Variants in BMPR1A observed in about 807,000 individuals in gnomAD.
BMPR1A encodes the protein bone morphogenetic protein receptor type 1A.
In BMPR1A, 7 loss-of-function variants were observed where a neutral mutation model predicts 66.0. The ratio of observed to expected loss-of-function variants is 0.11; its 90% CI spans 0.06 to 0.20. BMPR1A has a LOEUF of 0.20. Ranked by LOEUF, BMPR1A falls within the 10% of genes least tolerant of loss-of-function variation. The pLI, the probability that BMPR1A is intolerant of heterozygous loss-of-function variation, is 1.00. For missense variants in BMPR1A, 408 were observed against 669.1 expected (o/e 0.61, Z 4.31); for synonymous variants, 200 against 229.7 (o/e 0.87, Z 1.17).
intron 2 of BMPR1A, among the ~76,000 whole-genome samples, chr10:86,845,308 G>A (rs1842469179): frequency 6.6e-6 from 1 of 152,184 alleles, no homozygotes; most frequent in Non-Finnish European, 1.5e-5. Context: ...TCAGCCCTGT[G>A]GGTGTCTTCT....
Position 86,876,052 on chromosome 10 carries a change from G to A in BMPR1A, c.34G>A (p.Gly12Arg), listed in dbSNP as rs1842917526. ...PQLYIYIRLLGAYLFIISRVQ... is the reference protein window; with the variant it reads ...PQLYIYIRLLRAYLFIISRVQ... Reference sequence around the variant, plus strand: ...GCTATACATTTACATCAGATTATTGGGAGCCTATTTGTTCATCATTTCTCG... The same window carrying A: ...GCTATACATTTACATCAGATTATTGAGAGCCTATTTGTTCATCATTTCTCG... Residue 12 changes from glycine (G) to arginine (R), a missense_variant, in exon 3 of 13, where the codon GGA becomes AGA. Physicochemically the swap from Gly to Arg is moderately radical, Grantham distance 125 (BLOSUM62 -2). This residue lies in a region of BMPR1A where 68 missense variants were observed against 83.0 expected (regional missense o/e 0.82). Coordinates refer to ENST00000372037, the MANE Select transcript of BMPR1A (RefSeq NM_004329.3). 6.2e-7 allele frequency: 1 copy of A among 1,611,882 alleles called. No individual in the cohort carries two copies. The highest frequency in any genetic ancestry group is 8.5e-7 in the Non-Finnish European group (1 of 1,178,258).
intron 2 of BMPR1A, among the ~76,000 whole-genome samples, chr10:86,864,725 C>T (rs1471072426): frequency 6.6e-6 from 1 of 152,200 alleles, no homozygotes; most frequent in Non-Finnish European, 1.5e-5. Flanking sequence ...TCTCCCAATT[C>T]TGTCCTTTAA....
intron 2 of BMPR1A, among the ~76,000 whole-genome samples, chr10:86,874,718 T>TC (rs1842898496): frequency 1.0e-5 from 1 of 98,344 alleles, no homozygotes; most frequent in Non-Finnish European, 2.1e-5. Context: ...TCTTTTTTTT[T>TC]TTTTTTTTTT....
chr10:86,756,084 C>G (rs1001247273), upstream of BMPR1A: 2 of 152,362 alleles, frequency 1.3e-5, no homozygotes, highest in African/African-American at 4.8e-5. Flanking sequence ...TTCACGCCAG[C>G]TGACTGGCGT....
At chr10:86,842,218 T>G (rs1842433902) in intron 2 of BMPR1A, among the ~76,000 whole-genome samples, 1 of 152,154 alleles carries the variant, frequency 6.6e-6, no homozygotes, top group South Asian at 2.1e-4. Context: ...AATTGGAGGT[T>G]CCAGCTGGTG....
chr10:86,886,138 G>A (rs1164374092), intron 3 of BMPR1A, among the ~76,000 whole-genome samples: 5 of 152,094 alleles, frequency 3.3e-5, no homozygotes, highest in African/African-American at 7.2e-5. Flanking sequence ...GTAAATACAC[G>A]GGACTTGTGG....
chr10:86,888,789 T>C (rs1462598834), intron 3 of BMPR1A, among the ~76,000 whole-genome samples: 2 of 146,532 alleles, frequency 1.4e-5, no homozygotes, highest in Non-Finnish European at 3.0e-5. Flanking sequence ...ATCACATCAC[T>C]GTACTCCAGC....
intron 1 of BMPR1A, among the ~76,000 whole-genome samples, chr10:86,773,597 G>GAAA (rs71019429): frequency 9.9e-4 from 99 of 99,794 alleles, no homozygotes; most frequent in East Asian, 3.3e-3. Flanking sequence ...GTCTCAGAAA[G>GAAA]AAAAAAAAAA....
At chr10:86,847,512 TC>T (rs1842503878) in intron 2 of BMPR1A, among the ~76,000 whole-genome samples, 2 of 152,080 alleles carry the variant, frequency 1.3e-5, no homozygotes, top group African/African-American at 4.8e-5. Context: ...TTTTTCTTTT[TC>T]CTCATTGCCT....
intron 1 of BMPR1A, among the ~76,000 whole-genome samples, chr10:86,814,946 C>T (rs745436420): frequency 4.6e-5 from 7 of 151,964 alleles, no homozygotes; most frequent in Non-Finnish European, 7.4e-5. Flanking sequence ...CCACCATGCT[C>T]GGCTAATTTT....
At chr10:86,890,342 C>A in intron 4 of BMPR1A, 118 bp downstream of exon 4, 1 of 1,272,244 alleles carries the variant, frequency 7.9e-7, no homozygotes, top group Non-Finnish European at 1.1e-6. Flanking sequence ...AGTATCTTTC[C>A]AGAAAGCCAA....
intron 1 of BMPR1A, among the ~76,000 whole-genome samples, chr10:86,818,651 CTATT>C (rs977598652): frequency 2.2e-4 from 33 of 152,272 alleles, no homozygotes; most frequent in Admixed American, 2.0e-3. Context: ...CAAATAAGTA[CTATT>C]TATTATTGAA....
At chr10:86,763,150 TC>T in intron 1 of BMPR1A, among the ~76,000 whole-genome samples, 1 of 152,188 alleles carries the variant, frequency 6.6e-6, no homozygotes, top group South Asian at 2.1e-4. Flanking sequence ...CACCTCGGCC[TC>T]CCAAAGTGCT....
chr10:86,922,044 C>T (rs1350551375), intron 11 of BMPR1A, among the ~76,000 whole-genome samples: 2 of 122,634 alleles, frequency 1.6e-5, no homozygotes, highest in Admixed American at 7.6e-5. Flanking sequence ...TATTAAACAT[C>T]CCCCCCCATC....
intron 2 of BMPR1A, among the ~76,000 whole-genome samples, chr10:86,863,171 T>G (rs746358255): frequency 3.9e-5 from 6 of 152,152 alleles, no homozygotes; most frequent in Admixed American, 6.5e-5. Context: ...AGAGATGGGG[T>G]TTCACTATGT....
intron 2 of BMPR1A, among the ~76,000 whole-genome samples, chr10:86,865,291 A>T (rs558185005): frequency 6.6e-6 from 1 of 152,244 alleles, no homozygotes; most frequent in Admixed American, 6.5e-5. Context: ...ATTCCACCAC[A>T]AAAGAAGTGA....
At chr10:86,923,038 A>G (rs1336323901) in intron 11 of BMPR1A, among the ~76,000 whole-genome samples, 1 of 152,206 alleles carries the variant, frequency 6.6e-6, no homozygotes, top group African/African-American at 2.4e-5. Flanking sequence ...AAATAATAAA[A>G]ACTATTCATT....
At chr10:86,815,520 TG>T (rs1842025562) in intron 1 of BMPR1A, among the ~76,000 whole-genome samples, 1 of 152,178 alleles carries the variant, frequency 6.6e-6, no homozygotes, top group Admixed American at 6.5e-5. Flanking sequence ...TTCGTTCCAA[TG>T]AAGACTTGTT....
Position 86,924,842 on chromosome 10 carries a change from TA to T in BMPR1A, c.*1126del, listed in dbSNP as rs1843717858. Reference sequence around the variant, plus strand: ...CCCATCCTTAAGAGAAGAAATGTTATAAAGTAGAACTAAATATAAATTTTCA... The same window carrying T: ...CCCATCCTTAAGAGAAGAAATGTTATAAGTAGAACTAAATATAAATTTTCA... On this transcript the variant is annotated 3_prime_UTR_variant, in exon 13 of 13. Transcript: ENST00000372037. 4.3e-6 allele frequency: 1 copy of T among 232,436 alleles called. No individual in the cohort carries two copies. The highest frequency in any genetic ancestry group is 8.5e-6 in the Non-Finnish European group (1 of 117,658). The allele number at this position is 232,436 out of a possible 1,614,324, so 14.4% of individuals were successfully genotyped here.
Sources: allele counts gnomAD v4.1 joint callset (sites outside exome capture counted in the v4.1 genomes callset), GRCh38; gene constraint gnomAD v4.1.1; regional missense constraint gnomAD v4.1.1; transcripts MANE v1.5; gene names NCBI Gene and HGNC (gene_info 2026-07-23, HGNC 2026-07-21).